SGCD: variants seen among roughly 807,000 people sequenced by gnomAD.
SGCD encodes sarcoglycan delta.
Under a neutral mutation model 36.6 loss-of-function variants are expected in SGCD, and 18 were observed. The observed-to-expected ratio is 0.49, with a 90% CI of 0.34 to 0.73. SGCD has a LOEUF of 0.73. Among genes scored for constraint, SGCD ranks in the 30% least tolerant of loss-of-function variants. SGCD has a pLI of 0.01. For synonymous variants in SGCD, 133 were observed against 130.6 expected, an observed-to-expected ratio of 1.02 and a Z score of -0.12; for missense variants, 387 against 346.7, an observed-to-expected ratio of 1.12 and a Z score of -0.92.
At position 156,377,691 on chromosome 5, in the gene SGCD, T is replaced by G. The variant is rs567299689; in HGVS notation, c.192+33014T>G. Among the ~76,000 whole-genome samples the G allele has an allele frequency of 3.0e-4, 46 of 152,234 alleles. No homozygotes were observed. The South Asian group carries it at 8.1e-3, about 27-fold the overall frequency. ...GGTGGGTTCCAGCATTCAAGATCAGTAAAATGTAGGCTAAAACACACACTC... is the reference window on the plus strand; with the variant it reads ...GGTGGGTTCCAGCATTCAAGATCAGGAAAATGTAGGCTAAAACACACACTC... On this transcript the variant is annotated intron_variant, in intron 3 of 8. Transcript: ENST00000337851.
rs1374734670 is a variant in SGCD, at chr5:155,945,443, C to T, written c.-282+75019C>T. Among the ~76,000 whole-genome samples the T allele has an allele frequency of 2.6e-5, 4 of 152,272 alleles. No homozygotes were observed. In the East Asian group the frequency reaches 7.7e-4, roughly 29 times the overall value. On this transcript the variant is annotated intron_variant, in intron 1 of 9. Transcript: ENST00000517913. ...TGATCCCTTCCACTCATAGGATTTA[C>T]AGTGTAATGGGGAAGACAAAGACCA...
chr5:156,466,993 T>A lies in SGCD; in HGVS notation c.193-41608T>A, dbSNP rs1384164270. 3.3e-5 allele frequency among the ~76,000 whole-genome samples: 5 copies of A among 152,072 alleles called. No individual in the cohort carries two copies. The East Asian group carries it at 9.6e-4, about 29-fold the overall frequency. On this transcript the variant is annotated intron_variant, in intron 3 of 8. Transcript: ENST00000337851. ...CAGTGACTGGCACATGGGAGACATG[T>A]TGAAGGTTGATAAACATAGAGGGCC...
At chr5:155,971,221 A>G (rs758425385) in intron 1 of SGCD, among the ~76,000 whole-genome samples, 2 of 152,144 alleles carry the variant, frequency 1.3e-5, no homozygotes, top group Non-Finnish European at 2.9e-5. Context: ...GAGACTTGGA[A>G]GTGAGTGTTG....
intron 3 of SGCD, among the ~76,000 whole-genome samples, chr5:156,248,261 C>G (rs1765485745): frequency 6.6e-6 from 1 of 152,102 alleles, no homozygotes. Flanking sequence ...GTGGCTCATG[C>G]CTGTAATCCC....
chr5:156,015,160 T>C (rs758625180), intron 1 of SGCD, among the ~76,000 whole-genome samples: 3 of 152,238 alleles, frequency 2.0e-5, no homozygotes, highest in Non-Finnish European at 4.4e-5. Context: ...CTAACTCCTC[T>C]GTACCTTCCA....
chr5:156,176,098 A>G (rs1394808951), intron 3 of SGCD, among the ~76,000 whole-genome samples: 2 of 151,588 alleles, frequency 1.3e-5, no homozygotes, highest in Non-Finnish European at 2.9e-5. Context: ...GTAGTGCAGT[A>G]TGGAACTCAG....
chr5:156,494,141 A>C (rs1756069414), intron 3 of SGCD, among the ~76,000 whole-genome samples: 1 of 152,126 alleles, frequency 6.6e-6, no homozygotes, highest in East Asian at 1.9e-4. Context: ...AGCAGTCACT[A>C]TAGGGCTGCT....
chr5:156,680,390 G>A (rs1262900803), intron 7 of SGCD, among the ~76,000 whole-genome samples: 1 of 152,144 alleles, frequency 6.6e-6, no homozygotes, highest in African/African-American at 2.4e-5. Context: ...CTTGACATTA[G>A]AGTCAGACAG....
At chr5:156,221,493 G>A (rs1764714156) in intron 3 of SGCD, among the ~76,000 whole-genome samples, 1 of 151,602 alleles carries the variant, frequency 6.6e-6, no homozygotes, top group South Asian at 2.1e-4. Flanking sequence ...TTAGAGCCTC[G>A]ATTTTCCCAT....
chr5:156,347,589 C>G (rs929862903), intron 3 of SGCD, among the ~76,000 whole-genome samples: 1 of 152,108 alleles, frequency 6.6e-6, no homozygotes, highest in Non-Finnish European at 1.5e-5. Context: ...TAGAACTTGG[C>G]TAGTACTCAT....
chr5:156,650,797 G>C (rs1763429047), intron 7 of SGCD, among the ~76,000 whole-genome samples: 1 of 152,124 alleles, frequency 6.6e-6, no homozygotes, highest in Non-Finnish European at 1.5e-5. Flanking sequence ...GAATATACAA[G>C]TGCCTATGTC....
the SGCD span, among the ~76,000 whole-genome samples, chr5:155,858,289 T>C: frequency 6.6e-6 from 1 of 152,102 alleles, no homozygotes; most frequent in Non-Finnish European, 1.5e-5. Context: ...TACAAGCTTG[T>C]TTGGGTATGG....
At chr5:155,847,859 A>C in the SGCD span, among the ~76,000 whole-genome samples, 1 of 152,168 alleles carries the variant, frequency 6.6e-6, no homozygotes, top group African/African-American at 2.4e-5. Flanking sequence ...CTAATTCTTG[A>C]CTAGTGGAAT....
intron 1 of SGCD, among the ~76,000 whole-genome samples, chr5:155,965,849 T>C (rs1165694459): frequency 6.6e-6 from 1 of 152,054 alleles, no homozygotes; most frequent in Non-Finnish European, 1.5e-5. Context: ...CCAAATCTAC[T>C]CTTTTGTGTT....
At chr5:156,277,027 C>A (rs766512590) in intron 3 of SGCD, among the ~76,000 whole-genome samples, 1 of 152,172 alleles carries the variant, frequency 6.6e-6, no homozygotes, top group South Asian at 2.1e-4. Context: ...TTATTATTTG[C>A]AGGAAATATT....
Position 156,343,285 on chromosome 5 carries a change from C to G in SGCD, c.4-1204C>G, listed in dbSNP as rs1768763355. Among the ~76,000 whole-genome samples the G allele has an allele frequency of 2.0e-5, 3 of 152,210 alleles. No individual in the cohort carries two copies. In the South Asian group the frequency reaches 6.2e-4, roughly 32 times the overall value. ...GAGTAGGTCTTATTTGTAGGGAATG[C>G]AGTGTGTCTACATGACAGCCAAATG... On this transcript the variant is annotated intron_variant, in intron 2 of 8. Coordinates refer to ENST00000337851, the MANE Select transcript of SGCD (RefSeq NM_000337.6).
intron 2 of SGCD, among the ~76,000 whole-genome samples, chr5:156,119,645 C>T (rs1581110085): frequency 6.6e-6 from 1 of 152,090 alleles, no homozygotes; most frequent in Non-Finnish European, 1.5e-5. Context: ...TCCCCCAGCA[C>T]ACTTCTGCTC....
intron 3 of SGCD, among the ~76,000 whole-genome samples, chr5:156,166,994 T>C (rs1005848426): frequency 6.6e-6 from 1 of 152,108 alleles, no homozygotes; most frequent in African/African-American, 2.4e-5. Flanking sequence ...TTTTTCACTT[T>C]CTTCCTACTT....
intron 3 of SGCD, among the ~76,000 whole-genome samples, chr5:156,396,989 A>C (rs766008761): frequency 8.5e-5 from 13 of 152,196 alleles, no homozygotes; most frequent in Non-Finnish European, 5.9e-5. Context: ...GGGGCATAAA[A>C]AGGGCTTTAC....
Sources: gnomAD v4.1 joint callset for allele counts (sites outside exome capture counted in the v4.1 genomes callset) on GRCh38, gnomAD v4.1.1 for gene constraint, MANE v1.5 for transcripts, NCBI Gene and HGNC (gene_info 2026-07-23, HGNC 2026-07-21) for gene names.